Variants in SDHA observed in about 807,000 individuals in gnomAD.
SDHA encodes succinate dehydrogenase complex flavoprotein subunit A.
A neutral mutation model predicts 78.4 loss-of-function variants in SDHA; 48 were observed. The observed-to-expected ratio is 0.61, with a 90% CI of 0.49 to 0.78. SDHA has a LOEUF of 0.78. SDHA is among the 30% of genes least tolerant of loss of function. The pLI, the probability that SDHA is intolerant of heterozygous loss-of-function variation, is 0.00. For missense variants in SDHA, 680 were observed against 892.7 expected (o/e 0.76, Z 3.04); for synonymous variants, 326 against 353.9 (o/e 0.92, Z 0.88).
intron 11 of SDHA, among the ~76,000 whole-genome samples, chr5:246,247 T>C (rs1170556072): frequency 2.0e-5 from 3 of 151,606 alleles, no homozygotes; most frequent in Admixed American, 2.0e-4. Context: ...AAGCTGCAGC[T>C]GATCGAAAAG....
chr5:262,356 G>A, the SDHA span, among the ~76,000 whole-genome samples: 1 of 134,472 alleles, frequency 7.4e-6, no homozygotes, highest in Non-Finnish European at 1.6e-5. Flanking sequence ...TCCCGGCAGA[G>A]CATTACCGTG....
At position 235,158 on chromosome 5, in the gene SDHA, A is replaced by G; in HGVS notation, c.1079A>G (p.Glu360Gly). 1.9e-6 allele frequency: 3 copies of G among 1,613,988 alleles called. No individual in the cohort carries two copies. The highest frequency in any genetic ancestry group is 2.5e-6 in the Non-Finnish European group (3 of 1,179,852). The part of the protein sequence containing the change: ...EIREGRGCGP[E>G]KDHVYLQLHH... ...TGTCTTACCAGAGGCTGTGGCCCTGAGAAAGATCACGTCTACCTGCAGCTG... is the reference window on the plus strand; with the variant it reads ...TGTCTTACCAGAGGCTGTGGCCCTGGGAAAGATCACGTCTACCTGCAGCTG... Residue 360 changes from glutamate to glycine, a missense_variant, in exon 9 of 15, where the codon GAG (glutamate) becomes GGG (glycine). Glu to Gly is a moderately conservative substitution (Grantham distance 98). Coordinates refer to ENST00000264932, the MANE Select transcript of SDHA (RefSeq NM_004168.4).
rs749406988 is a variant in SDHA, at chr5:218,367, C to T, written c.12C>T (p.Val4=). The change falls in exon 1 of 15, where the codon GTC becomes GTT. Residue 4 remains valine (V), a synonymous_variant. Coordinates refer to ENST00000264932, the MANE Select transcript of SDHA (RefSeq NM_004168.4). ...CGGCAACAGCAGACATGTCGGGGGTCCGGGGCCTGTCGCGGCTGCTGAGCG... is the reference window on the plus strand; with the variant it reads ...CGGCAACAGCAGACATGTCGGGGGTTCGGGGCCTGTCGCGGCTGCTGAGCG... MSG[V]RGLSRLLSAR... 24 of 1,458,996 alleles carry T rather than the reference C, an allele frequency of 1.6e-5. No homozygotes were observed. Among genetic ancestry groups the T allele is most frequent in the African/African-American group, 2.9e-5 (2 of 68,302 alleles). The allele number at this position is 1,458,996 out of a possible 1,614,324, so 90.4% of individuals were successfully genotyped here. A position where few individuals can be genotyped will look rare whatever the true frequency, so the allele number is the denominator to read the frequency against.
chr5:260,047 G>T (rs247074), downstream of SDHA, among the ~76,000 whole-genome samples: 66 of 25,146 alleles, frequency 2.6e-3, no homozygotes, highest in African/African-American at 0.021. Context: ...CCGCCTCCCG[G>T]CAGAGCATTA....
At chr5:262,880 T>A in the SDHA span, among the ~76,000 whole-genome samples, 15 of 152,032 alleles carry the variant, frequency 9.9e-5, no homozygotes, top group South Asian at 2.1e-4. Flanking sequence ...TATGATAAAT[T>A]TGTTCCTTAA....
intron 1 of SDHA, among the ~76,000 whole-genome samples, chr5:221,162 C>G (rs58378472): frequency 6.6e-5 from 10 of 151,962 alleles, no homozygotes; most frequent in Admixed American, 6.5e-4. Flanking sequence ...CACTAAAATT[C>G]TAGTGAGAAT....
rs1161810099 is a variant in SDHA, at chr5:233,506, G to T, written c.925G>T (p.Glu309Ter). 6.2e-7 allele frequency: 1 copy of T among 1,614,226 alleles called. No homozygotes were observed. The highest frequency in any genetic ancestry group is 1.7e-5 in the Admixed American group (1 of 60,032). The change falls in exon 8 of 15, where the codon GAA becomes TAA. Residue 309 changes from glutamate (E) to a stop codon, truncating the protein, a stop_gained. Transcript: ENST00000264932. LOFTEE classifies it high-confidence loss of function. ...GIYGAGCLIT[E>*]GCRGEGGILI... ...ATATGGTGCTGGTTGTCTCATTACG[G>T]AAGGATGTCGTGGAGAGGGAGGCAT...
chr5:231,759 C>T (rs979458704), intron 7 of SDHA, among the ~76,000 whole-genome samples: 1 of 151,444 alleles, frequency 6.6e-6, no homozygotes, highest in Admixed American at 6.6e-5. Flanking sequence ...GCAGCACAGG[C>T]AGACTTCAGC....
chr5:253,686 C>T (rs1265179690), intron 13 of SDHA, among the ~76,000 whole-genome samples: 2 of 152,152 alleles, frequency 1.3e-5, no homozygotes, highest in African/African-American at 2.4e-5. Context: ...CCACCCACCT[C>T]GGCCTCCCAA....
chr5:257,096 T>C (rs1446497915), downstream of SDHA, among the ~76,000 whole-genome samples: 1 of 152,176 alleles, frequency 6.6e-6, no homozygotes, highest in Non-Finnish European at 1.5e-5. Flanking sequence ...TGCCTGGCCT[T>C]GTAGTTTATT....
chr5:257,722 T>G (rs1392223996), downstream of SDHA, among the ~76,000 whole-genome samples: 3 of 118,204 alleles, frequency 2.5e-5, no homozygotes, highest in Admixed American at 2.4e-4. Flanking sequence ...AGCATTACCG[T>G]GTGAGCTCCG....
downstream of SDHA, among the ~76,000 whole-genome samples, chr5:259,953 A>C (rs1274232452): frequency 2.2e-5 from 1 of 45,580 alleles, no homozygotes; most frequent in African/African-American, 1.6e-4. Flanking sequence ...GCCTCCCGCC[A>C]GAGCATTACC....
chr5:262,225 A>C, the SDHA span, among the ~76,000 whole-genome samples: 1 of 117,846 alleles, frequency 8.5e-6, no homozygotes, highest in Non-Finnish European at 1.7e-5. Context: ...GCCTCCCGAC[A>C]GAGCATTACC....
chr5:218,323 G>A lies in SDHA; in HGVS notation c.-33G>A. ...GGTGCGCAGGCGCAGTCTGCGCAGGGACTGGCGGGACTGCGCGGCGGCAAC... is the reference window on the plus strand; with the variant it reads ...GGTGCGCAGGCGCAGTCTGCGCAGGAACTGGCGGGACTGCGCGGCGGCAAC... On this transcript the variant is annotated 5_prime_UTR_variant, in exon 1 of 15. Transcript: ENST00000264932. 1.4e-6 allele frequency: 2 copies of A among 1,442,784 alleles called. No individual in the cohort carries two copies. The highest frequency in any genetic ancestry group is 1.8e-6 in the Non-Finnish European group (2 of 1,106,374). The allele number at this position is 1,442,784 out of a possible 1,614,324, so 89.4% of individuals were successfully genotyped here.
rs1192077362 is a variant in SDHA at position 218,395 on chromosome 5, C to T, written c.40C>T (p.Arg14Trp). 1.4e-6 allele frequency: 2 copies of T among 1,446,550 alleles called. No homozygotes were observed. The highest frequency in any genetic ancestry group is 1.8e-6 in the Non-Finnish European group (2 of 1,108,928). 89.6% of individuals were successfully genotyped at this position (1,446,550 alleles called of 1,614,324 possible). A position where few individuals can be genotyped will look rare whatever the true frequency, so the allele number is the denominator to read the frequency against. ...VRGLSRLLSA[R>W]RLALAKAWPT... ...GGGCCTGTCGCGGCTGCTGAGCGCT[C>T]GGCGCCTGGCGCTGGCCAAGGCGGT... Residue 14 changes from arginine (R) to tryptophan (W), a missense_variant, in exon 1 of 15, where the codon CGG becomes TGG. By Grantham distance (101) the Arg-to-Trp change is moderately radical (BLOSUM62 -3). Transcript: ENST00000264932.
chr5:227,229 C>T (rs1412751862), intron 5 of SDHA, among the ~76,000 whole-genome samples: 2 of 152,086 alleles, frequency 1.3e-5, no homozygotes, highest in Non-Finnish European at 2.9e-5. Flanking sequence ...AGGCTGGTCC[C>T]GAACTCCTGA....
chr5:250,661 G>T (rs7722017), intron 11 of SDHA: 64,131 of 366,780 alleles, frequency 0.17, 9,278 homozygotes, highest in African/African-American at 0.53. Context: ...TGGAGAGGCA[G>T]CGCTGCCTGG....
chr5:218,573 C>G (rs1438626958), intron 1 of SDHA, among the ~76,000 whole-genome samples, 155 bp downstream of exon 1: 2 of 152,184 alleles, frequency 1.3e-5, no homozygotes, highest in Non-Finnish European at 2.9e-5. Context: ...TGGGCCGGTG[C>G]GAGGGGAAGC....
At chr5:223,378 G>T (rs1370035667) in intron 1 of SDHA, 104 bp from the exon 2 acceptor site, 9 of 860,518 alleles carry the variant, frequency 1.0e-5, no homozygotes, top group Non-Finnish European at 1.8e-5. Context: ...GAGCACCTGG[G>T]TACATAAGAA....
Sources: allele counts gnomAD v4.1 joint callset (sites outside exome capture counted in the v4.1 genomes callset), GRCh38; gene constraint gnomAD v4.1.1; transcripts MANE v1.5; gene names NCBI Gene and HGNC (gene_info 2026-07-23, HGNC 2026-07-21).